KIAA0586: variants seen among roughly 807,000 people sequenced by gnomAD.
The protein encoded by KIAA0586 is protein TALPID3.
A neutral mutation model predicts 169.8 loss-of-function variants in KIAA0586; 144 were observed. The observed-to-expected ratio is 0.85, with a 90% CI of 0.74 to 0.97. The LOEUF (loss-of-function observed/expected upper bound fraction) is 0.97, where lower values mean the gene tolerates loss of function less well. Ranked by LOEUF, KIAA0586 falls within the 50% of genes least tolerant of loss-of-function variation. The pLI is 0.00. For missense variants in KIAA0586, 1,854 were observed against 1,823.0 expected, an observed-to-expected ratio of 1.02 and a Z score of -0.31; for synonymous variants, 625 against 612.4, an observed-to-expected ratio of 1.02 and a Z score of -0.30.
chr14:58,442,591 T>G, intron 4 of KIAA0586, 115 bp from the exon 5 acceptor site: 1 of 704,072 alleles, frequency 1.4e-6, no homozygotes, highest in Non-Finnish European at 2.3e-6. Context: ...GTTTGATAGG[T>G]GATTTAATTA....
chr14:58,534,968 G>A (rs1307974373), intron 29 of KIAA0586, among the ~76,000 whole-genome samples: 1 of 152,134 alleles, frequency 6.6e-6, no homozygotes, highest in African/African-American at 2.4e-5. Context: ...TCCAGCTCAA[G>A]AAATTGAACA....
At chr14:58,452,823 G>A (rs925213525) in intron 8 of KIAA0586, among the ~76,000 whole-genome samples, 1 of 151,928 alleles carries the variant, frequency 6.6e-6, no homozygotes, top group Non-Finnish European at 1.5e-5. Flanking sequence ...GAGCCATTGC[G>A]CCTGGTTGTG....
At chr14:58,434,409 G>T (rs2140441486) in intron 4 of KIAA0586, among the ~76,000 whole-genome samples, 1 of 152,258 alleles carries the variant, frequency 6.6e-6, no homozygotes, top group Non-Finnish European at 1.5e-5. Flanking sequence ...TCCAAAAGCA[G>T]TCATGATTTT....
chr14:58,506,954 C>T (rs1417860352), intron 27 of KIAA0586, among the ~76,000 whole-genome samples: 1 of 151,820 alleles, frequency 6.6e-6, no homozygotes, highest in Non-Finnish European at 1.5e-5. Flanking sequence ...TCAGACCAGC[C>T]TTGGCAACAT....
intron 18 of KIAA0586, among the ~76,000 whole-genome samples, chr14:58,474,186 C>T (rs569485853): frequency 4.6e-5 from 7 of 152,150 alleles, no homozygotes; most frequent in Non-Finnish European, 5.9e-5. Flanking sequence ...ACCCAAGCAC[C>T]GCCCACCAGG....
chr14:58,478,693 C>G (rs1250150340), intron 20 of KIAA0586, among the ~76,000 whole-genome samples: 1 of 152,194 alleles, frequency 6.6e-6, no homozygotes, highest in Non-Finnish European at 1.5e-5. Context: ...AAAAACATTT[C>G]TGTCTTCTCC....
At chr14:58,429,640 A>G (rs2074731417) in intron 2 of KIAA0586, among the ~76,000 whole-genome samples, 2 of 152,224 alleles carry the variant, frequency 1.3e-5, no homozygotes. Context: ...AAAAATACCT[A>G]TTAGTAAGAT....
intron 8 of KIAA0586, among the ~76,000 whole-genome samples, chr14:58,451,442 G>T (rs1301899564): frequency 2.6e-5 from 4 of 151,746 alleles, no homozygotes; most frequent in African/African-American, 9.7e-5. Flanking sequence ...TCCCAGGCTG[G>T]TCACAAACTC....
downstream of KIAA0586, among the ~76,000 whole-genome samples, chr14:58,554,032 G>A (rs2047231183): frequency 6.6e-6 from 1 of 152,084 alleles, no homozygotes; most frequent in Admixed American, 6.6e-5. Context: ...CTGTTGGCAG[G>A]GAAATGGAGG....
Position 58,498,891 on chromosome 14 carries a change from A to G in KIAA0586, c.4099A>G (p.Thr1367Ala). 1 of 1,612,780 alleles carries G rather than the reference A, an allele frequency of 6.2e-7. No homozygotes were observed. The change falls in exon 27 of 31, where the codon ACT becomes GCT. Residue 1367 changes from threonine to alanine, a missense_variant. Coordinates refer to ENST00000652326, the MANE Select transcript of KIAA0586 (RefSeq NM_001329943.3). The stretch of plus-strand genomic sequence containing the variant: ...TTCTCTCTATATGCAGCCACCTGTC[A>G]CTAATACACAGTCTTTGGATCAACA... ...GHSLYMQPPV[T>A]NTQSLDQQCD...
intron 14 of KIAA0586, among the ~76,000 whole-genome samples, chr14:58,464,733 C>T (rs2040602115): frequency 6.6e-6 from 1 of 152,010 alleles, no homozygotes; most frequent in Non-Finnish European, 1.5e-5. Context: ...GTGGATAGTA[C>T]CAAGCCCTAA....
intron 30 of KIAA0586, among the ~76,000 whole-genome samples, chr14:58,542,047 T>A (rs983106587): frequency 1.1e-4 from 16 of 152,254 alleles, no homozygotes; most frequent in Non-Finnish European, 2.4e-4. Flanking sequence ...TTTAAAAAAA[T>A]TAATTTTTTT....
At chr14:58,440,488 C>T (rs144313922) in intron 4 of KIAA0586, among the ~76,000 whole-genome samples, 246 of 152,262 alleles carry the variant, frequency 1.6e-3, no homozygotes, top group African/African-American at 4.5e-3. Flanking sequence ...CCCGCCATCA[C>T]GCCTGGCTAA....
chr14:58,506,557 C>T (rs567504365), intron 27 of KIAA0586, among the ~76,000 whole-genome samples: 8 of 151,864 alleles, frequency 5.3e-5, no homozygotes, highest in Non-Finnish European at 8.8e-5. Flanking sequence ...TGTGGTGGCG[C>T]GTGCCTGTGG....
At position 58,548,849 on chromosome 14, in the gene KIAA0586, C is replaced by T. The variant is rs2047131199; in HGVS notation, c.*917C>T. ...ATCAGATACATGTAGGTTCTAATCC[C>T]AATTCTGTAACTTCTTGCTTTGTGA... On this transcript the variant is annotated 3_prime_UTR_variant, in exon 31 of 31. Transcript: ENST00000652326. 6.6e-6 allele frequency: 1 copy of T among 152,126 alleles called. No homozygotes were observed. The highest frequency in any genetic ancestry group is 2.4e-5 in the African/African-American group (1 of 41,422). 9.4% of individuals were successfully genotyped at this position (152,126 alleles called of 1,614,324 possible). A position where few individuals can be genotyped will look rare whatever the true frequency, so the allele number is the denominator to read the frequency against.
the KIAA0586 span, among the ~76,000 whole-genome samples, chr14:58,559,543 G>A: frequency 3.9e-4 from 60 of 152,310 alleles, no homozygotes; most frequent in Non-Finnish European, 7.3e-4. Flanking sequence ...TTACTGGCAG[G>A]AGGGTTAGTC....
intron 29 of KIAA0586, among the ~76,000 whole-genome samples, chr14:58,530,941 A>T (rs550685264): frequency 2.0e-5 from 3 of 152,178 alleles, no homozygotes; most frequent in Non-Finnish European, 4.4e-5. Context: ...CAATCTATCC[A>T]TCTGACAAAG....
downstream of KIAA0586, among the ~76,000 whole-genome samples, chr14:58,555,825 T>C (rs1411307521): frequency 6.6e-6 from 1 of 152,190 alleles, no homozygotes; most frequent in Non-Finnish European, 1.5e-5. Context: ...TATGAGCCAA[T>C]TATAGCTTGT....
chr14:58,459,832 G>T lies in KIAA0586; in HGVS notation c.1657-11G>T. The stretch of plus-strand genomic sequence containing the variant: ...GACATTTTAAGTAATTTTAACTTTG[G>T]TTATGTTAAGGATGAACTGTCAAGA... On this transcript the variant is annotated splice_polypyrimidine_tract_variant and intron_variant, in intron 12 of 30. Coordinates refer to ENST00000652326, the MANE Select transcript of KIAA0586 (RefSeq NM_001329943.3). 2 of 1,415,558 alleles carry T rather than the reference G, an allele frequency of 1.4e-6. No individual in the cohort carries two copies. Among genetic ancestry groups the T allele is most frequent in the Non-Finnish European group, 1.9e-6 (2 of 1,059,454 alleles). 87.7% of individuals were successfully genotyped at this position (1,415,558 alleles called of 1,614,324 possible).
Sources: gnomAD v4.1 joint callset for allele counts (sites outside exome capture counted in the v4.1 genomes callset) on GRCh38, gnomAD v4.1.1 for gene constraint, MANE v1.5 for transcripts, NCBI Gene and HGNC (gene_info 2026-07-23, HGNC 2026-07-21) for gene names.